MACROD2: variants seen among roughly 807,000 people sequenced by gnomAD.
The protein encoded by MACROD2 is mono-ADP ribosylhydrolase 2.
A neutral mutation model predicts 70.4 loss-of-function variants in MACROD2; 36 were observed. The ratio of observed to expected loss-of-function variants is 0.51; its 90% CI spans 0.39 to 0.68. The LOEUF is 0.68. Ranked by LOEUF, MACROD2 falls within the 30% of genes least tolerant of loss-of-function variation. MACROD2 has a pLI of 0.00. For missense variants in MACROD2, 496 were observed against 538.4 expected (o/e 0.92, Z 0.78); for synonymous variants, 172 against 178.8 (o/e 0.96, Z 0.30).
chr20:15,270,699 T>A (rs1316404622), intron 6 of MACROD2, among the ~76,000 whole-genome samples: 1 of 152,196 alleles, frequency 6.6e-6, no homozygotes, highest in Non-Finnish European at 1.5e-5. Flanking sequence ...TGTCATCAGT[T>A]CTGTCTTTGG....
At chr20:14,202,937 C>T (rs1474686133) in intron 3 of MACROD2, among the ~76,000 whole-genome samples, 1 of 152,014 alleles carries the variant, frequency 6.6e-6, no homozygotes, top group African/African-American at 2.4e-5. Flanking sequence ...AATCCAGCTA[C>T]TTGGGAGACT....
At chr20:14,157,385 T>G (rs2055117651) in intron 3 of MACROD2, among the ~76,000 whole-genome samples, 1 of 152,004 alleles carries the variant, frequency 6.6e-6, no homozygotes, top group Non-Finnish European at 1.5e-5. Context: ...ATTTATCATT[T>G]GTATATGTTG....
At chr20:14,064,650 G>A (rs987447610) in intron 2 of MACROD2, among the ~76,000 whole-genome samples, 1 of 152,180 alleles carries the variant, frequency 6.6e-6, no homozygotes, top group Non-Finnish European at 1.5e-5. Context: ...TTCAGGCGAA[G>A]ATTATTTTAA....
intron 15 of MACROD2, among the ~76,000 whole-genome samples, chr20:16,015,188 T>A (rs1354356432): frequency 6.6e-6 from 1 of 152,248 alleles, no homozygotes; most frequent in Non-Finnish European, 1.5e-5. Context: ...AGTAACTTAC[T>A]GTTGATTTAA....
At chr20:14,207,173 C>T (rs1251373627) in intron 3 of MACROD2, among the ~76,000 whole-genome samples, 4 of 152,002 alleles carry the variant, frequency 2.6e-5, no homozygotes, top group Non-Finnish European at 5.9e-5. Context: ...TTTCAGCTCA[C>T]TGCAACCTCT....
intron 7 of MACROD2, among the ~76,000 whole-genome samples, chr20:15,432,887 G>T (rs796544802): frequency 6.6e-6 from 1 of 152,040 alleles, no homozygotes; most frequent in African/African-American, 2.4e-5. Flanking sequence ...TATAAGTAGG[G>T]GGGTGGTGGG....
intron 3 of MACROD2, among the ~76,000 whole-genome samples, chr20:14,201,875 A>G (rs1182309660): frequency 3.3e-5 from 5 of 151,938 alleles, no homozygotes; most frequent in African/African-American, 1.2e-4. Context: ...AGGAACAAAT[A>G]TTAAAATCTA....
chr20:14,399,169 G>A (rs78403044), intron 3 of MACROD2, among the ~76,000 whole-genome samples: 16,159 of 151,846 alleles, frequency 0.11, 1,038 homozygotes, highest in East Asian at 0.21. Context: ...ATAGGCACAC[G>A]CCACCACAAC....
intron 5 of MACROD2, among the ~76,000 whole-genome samples, chr20:14,890,981 TC>T (rs2073750290): frequency 7.2e-6 from 1 of 139,430 alleles, no homozygotes; most frequent in Non-Finnish European, 1.5e-5. Flanking sequence ...CTTCCTTCCT[TC>T]CTTCCTTCCT....
Position 14,025,672 on chromosome 20 carries a change from C to T in MACROD2, c.163+23268C>T, listed in dbSNP as rs184109159. Among the ~76,000 whole-genome samples, 5 of 152,232 alleles carry T rather than the reference C, an allele frequency of 3.3e-5. No homozygotes were observed. In the East Asian group the frequency reaches 9.6e-4, roughly 29 times the overall value. The stretch of plus-strand genomic sequence containing the variant: ...TGTGGTTTTGAGTGAATTTCTTAAT[C>T]CTGAGTGTTAGTTTGATTGCACTGT... On this transcript the variant is annotated intron_variant, in intron 2 of 17. Coordinates refer to ENST00000684519, the MANE Select transcript of MACROD2 (RefSeq NM_001351661.2).
chr20:14,969,556 G>C (rs1016512400), intron 5 of MACROD2, among the ~76,000 whole-genome samples: 1 of 151,948 alleles, frequency 6.6e-6, no homozygotes, highest in African/African-American at 2.4e-5. Flanking sequence ...AAAATGTTGA[G>C]TCTCTTTGTA....
chr20:15,995,494 C>A (rs866229978), intron 15 of MACROD2, among the ~76,000 whole-genome samples: 12 of 151,138 alleles, frequency 7.9e-5, no homozygotes, highest in African/African-American at 2.7e-4. Flanking sequence ...GGACTACAGG[C>A]GCCCGCCACC....
At chr20:14,585,976 T>G (rs1251036586) in intron 4 of MACROD2, among the ~76,000 whole-genome samples, 1 of 152,108 alleles carries the variant, frequency 6.6e-6, no homozygotes, top group African/African-American at 2.4e-5. Flanking sequence ...TCTGTGACAT[T>G]GTATGTATCA....
intron 8 of MACROD2, among the ~76,000 whole-genome samples, chr20:15,564,614 A>G (rs2048287723): frequency 6.6e-6 from 1 of 152,192 alleles, no homozygotes; most frequent in South Asian, 2.1e-4. Flanking sequence ...GAATGCCTGC[A>G]AAATCATGAT....
intron 6 of MACROD2, among the ~76,000 whole-genome samples, chr20:15,309,921 T>G (rs1408283171): frequency 1.3e-5 from 2 of 152,156 alleles, no homozygotes; most frequent in African/African-American, 2.4e-5. Context: ...CAGACAAAGG[T>G]TTAGAGTCCA....
chr20:15,843,851 A>T (rs534863690), intron 8 of MACROD2, among the ~76,000 whole-genome samples: 3 of 152,250 alleles, frequency 2.0e-5, no homozygotes, highest in African/African-American at 7.2e-5. Context: ...ACACTCCTGA[A>T]TTTTTATGAC....
chr20:15,105,786 T>G (rs899741782), intron 5 of MACROD2, among the ~76,000 whole-genome samples: 2 of 152,268 alleles, frequency 1.3e-5, no homozygotes, highest in East Asian at 3.9e-4. Flanking sequence ...ACTATCTCAT[T>G]GACTACTCAC....
chr20:15,373,187 C>G (rs2045516642), intron 6 of MACROD2, among the ~76,000 whole-genome samples: 2 of 152,144 alleles, frequency 1.3e-5, no homozygotes, highest in South Asian at 4.1e-4. Context: ...TGTGATAGGC[C>G]ATGTTTCTAT....
At chr20:15,345,523 G>C (rs2146213613) in intron 6 of MACROD2, among the ~76,000 whole-genome samples, 1 of 152,204 alleles carries the variant, frequency 6.6e-6, no homozygotes. Flanking sequence ...TGTGCCCTTT[G>C]ACATTTCATT....
Sources: gnomAD v4.1 joint callset for allele counts (sites outside exome capture counted in the v4.1 genomes callset) on GRCh38, gnomAD v4.1.1 for gene constraint, MANE v1.5 for transcripts, NCBI Gene and HGNC (gene_info 2026-07-23, HGNC 2026-07-21) for gene names.